Variants in DDX54 observed in about 807,000 individuals in gnomAD.
The protein encoded by DDX54 is ATP-dependent RNA helicase DDX54.
DDX54 carries 67 observed loss-of-function variants against 105.5 expected under a neutral mutation model. The ratio of observed to expected loss-of-function variants is 0.64; its 90% CI spans 0.52 to 0.78. The LOEUF (loss-of-function observed/expected upper bound fraction) is 0.78, where lower values mean the gene tolerates loss of function less well. Ranked by LOEUF, DDX54 falls within the 30% of genes least tolerant of loss-of-function variation. The probability of loss-of-function intolerance (pLI) is 0.00; values close to 1 mark genes in which losing one functional copy is unlikely to be tolerated. For synonymous variants in DDX54, 514 were observed against 509.9 expected (o/e 1.01, Z -0.11); for missense variants, 1,206 against 1,230.5 (o/e 0.98, Z 0.30).
intron 10 of DDX54, among the ~76,000 whole-genome samples, chr12:113,174,078 A>C (rs978856131): frequency 6.6e-5 from 10 of 151,850 alleles, no homozygotes; most frequent in African/African-American, 2.4e-4. Flanking sequence ...ACTCAGGAGG[A>C]TGAGGCAGGA....
intron 14 of DDX54, among the ~76,000 whole-genome samples, chr12:113,164,893 G>A (rs1411456960): frequency 6.6e-6 from 1 of 151,958 alleles, no homozygotes; most frequent in Non-Finnish European, 1.5e-5. Context: ...TGGGTGTGGT[G>A]GCATGCACCT....
In DDX54 at chr12:113,185,364, G is replaced by A; in HGVS notation, c.88C>T (p.Arg30Ter). 1.9e-6 allele frequency: 3 copies of A among 1,577,464 alleles called. No individual in the cohort carries two copies. The South Asian group carries it at 3.5e-5, about 18-fold the overall frequency. ...CCGCGGGCCTGGGAGGCCGCGCCTCGGCGCTTCCGGAGCCCTTTCTTCTTC... is the reference window on the plus strand; with the variant it reads ...CCGCGGGCCTGGGAGGCCGCGCCTCAGCGCTTCCGGAGCCCTTTCTTCTTC... Reference protein sequence around the residue: ...WRKKKGLRKRRGAASQARGSD... With the variant: ...WRKKKGLRKR The change falls in exon 1 of 20, where the codon CGA becomes TGA. Residue 30 changes from arginine to a stop codon, truncating the protein, a stop_gained. Transcript: ENST00000306014. LOFTEE classifies it high-confidence loss of function.
At chr12:113,171,512 G>A (rs1337386438) in intron 11 of DDX54, among the ~76,000 whole-genome samples, 1 of 151,620 alleles carries the variant, frequency 6.6e-6, no homozygotes, top group African/African-American at 2.4e-5. Flanking sequence ...GCTGATGCAA[G>A]AGAATAGCTA....
Position 113,172,335 on chromosome 12 carries a change from C to G in DDX54, c.1279+18G>C. 1.9e-6 allele frequency: 3 copies of G among 1,609,914 alleles called. No homozygotes were observed. On this transcript the variant is annotated intron_variant, in intron 11 of 19. Transcript: ENST00000306014. The stretch of plus-strand genomic sequence containing the variant: ...CCGGCACCCCTGCCTGCCCCAGGGC[C>G]AGCCACGGGCTGCTTACCCACGCGG...
In DDX54 at chr12:113,164,217, C is replaced by T; in HGVS notation, c.1788G>A (p.Lys596=). The T allele has an allele frequency of 6.3e-7, 1 of 1,587,524 alleles. No homozygotes were observed. Among genetic ancestry groups the T allele is most frequent in the Non-Finnish European group, 8.6e-7 (1 of 1,167,904 alleles). The change falls in exon 15 of 20, where the codon AAG becomes AAA. Residue 596 remains lysine (K), a synonymous_variant. Coordinates refer to ENST00000306014, the MANE Select transcript of DDX54 (RefSeq NM_024072.4). ...CSQVMRAKRQ[K]DRKAIARFQQ... ...GGAAGCGGGCGATGGCCTTGCGGTC[C>T]TTCTGCCGCTTGGCGCGCATCACCT...
chr12:113,173,098 G>A (rs1446768463), intron 10 of DDX54, among the ~76,000 whole-genome samples: 3 of 152,100 alleles, frequency 2.0e-5, no homozygotes, highest in African/African-American at 4.8e-5. Flanking sequence ...CCAGCATTTC[G>A]GGAAACCAAG....
intron 12 of DDX54, among the ~76,000 whole-genome samples, chr12:113,167,755 T>G (rs1952293302): frequency 6.6e-6 from 1 of 152,200 alleles, no homozygotes; most frequent in African/African-American, 2.4e-5. Flanking sequence ...GGTTTCTGCC[T>G]GGACATTGGG....
rs527444298 is a variant in DDX54 at position 113,159,511 on chromosome 12, A to G, written c.2414-402T>C. Among the ~76,000 whole-genome samples, 6 of 152,274 alleles carry G rather than the reference A, an allele frequency of 3.9e-5. No individual in the cohort carries two copies. The South Asian group carries it at 1.2e-3, about 32-fold the overall frequency. ...CTTTTGGGCATGACTGTTACTATTA[A>G]AAATTCTCCAACCAAGGAGTGTATG... On this transcript the variant is annotated intron_variant, in intron 19 of 19. Coordinates refer to ENST00000306014, the MANE Select transcript of DDX54 (RefSeq NM_024072.4).
Position 113,162,951 on chromosome 12 carries a change from C to T in DDX54, c.2176G>A (p.Gly726Ser), listed in dbSNP as rs1446146307. ...ACTCACCACTTGAGCTGCTGCCGGC[C>T]CCTCGTCAGGTTCTGGGCTTCATCC... Reference protein sequence around the residue: ...MGDEAQNLTRGRQQLKWDRKK... With the variant: ...MGDEAQNLTRSRQQLKWDRKK... Residue 726 changes from glycine to serine, a missense_variant, in exon 17 of 20, where the codon GGC becomes AGC. Physicochemically the swap from Gly to Ser is moderately conservative, Grantham distance 56. Around this residue, in one of 3 missense-constraint regions of DDX54, gnomAD observed 961 missense variants for 1,019.1 expected, o/e 0.94. Coordinates refer to ENST00000306014, the MANE Select transcript of DDX54 (RefSeq NM_024072.4). The T allele has an allele frequency of 3.7e-6, 6 of 1,604,042 alleles. No individual in the cohort carries two copies. The highest frequency in any genetic ancestry group is 4.2e-6 in the Non-Finnish European group (5 of 1,178,128).
chr12:113,179,711 G>A (rs556614699), intron 3 of DDX54, among the ~76,000 whole-genome samples: 28 of 152,332 alleles, frequency 1.8e-4, no homozygotes, highest in African/African-American at 6.7e-4. Context: ...AGGTTCAGCT[G>A]TGGGCAGCCT....
In DDX54 at chr12:113,174,757, G is replaced by A. The variant is rs140691313; in HGVS notation, c.951C>T (p.Leu317=). The A allele has an allele frequency of 5.4e-4, 873 of 1,611,856 alleles. 3 individuals carry two copies. In the East Asian group the frequency reaches 7.9e-3, roughly 15 times the overall value. The change falls in exon 10 of 20, where the codon CTC becomes CTT. Residue 317 remains leucine, a synonymous_variant. Transcript: ENST00000306014. ...LNEQLKTSFF[L]VREDTKAAVL... ...CGGCAGCCTTGGTGTCCTCCCGCAC[G>A]AGGAAGAAGGAGGTCTGTGGGGAGA...
At position 113,159,057 on chromosome 12, in the gene DDX54, T is replaced by C. The variant is rs1210909108; in HGVS notation, c.2466A>G (p.Glu822=). The change falls in exon 20 of 20, where the codon GAA becomes GAG. Residue 822 remains glutamate, a synonymous_variant. Transcript: ENST00000306014. ...PGTPAGRVRP[E]LKTKQQILKQ... is the part of the protein sequence containing the mutation. ...TCAGGATCTGCTGCTTGGTCTTGAG[T>C]TCCGGGCGGACTCGGCCTGCAGGGG... is the stretch of plus-strand genomic sequence containing the variant. The C allele has an allele frequency of 1.9e-6, 3 of 1,610,366 alleles. No individual in the cohort carries two copies. Among genetic ancestry groups the C allele is most frequent in the Admixed American group, 3.3e-5 (2 of 59,820 alleles).
chr12:113,163,167 G>T lies in DDX54; in HGVS notation c.2046C>A (p.Ile682=). ...TGTCAAAGTCCTTGGGCCGGTAGGGGATGTAGAATTCCTGGTCCCGCTGCC... is the reference window on the plus strand; with the variant it reads ...TGTCAAAGTCCTTGGGCCGGTAGGGTATGTAGAATTCCTGGTCCCGCTGCC... The part of the protein sequence containing the change: ...EARQRDQEFY[I]PYRPKDFDSE... The change falls in exon 16 of 20, where the codon ATC becomes ATA. Residue 682 remains isoleucine, a synonymous_variant. Transcript: ENST00000306014. The surrounding 1 kb of genome is among the most constrained non-coding windows in gnomAD (Gnocchi z 5.9). The T allele has an allele frequency of 6.2e-7, 1 of 1,613,158 alleles. No homozygotes were observed.
At position 113,157,896 on chromosome 12, in the gene DDX54, G is replaced by A; in HGVS notation, c.*981C>T. ...TGCAGGCCCTGATGAGGAGGTGATG[G>A]GAAGGTCAAGGGGCTATGTGTGGGG... On this transcript the variant is annotated 3_prime_UTR_variant, in exon 20 of 20. Coordinates refer to ENST00000306014, the MANE Select transcript of DDX54 (RefSeq NM_024072.4). 1.7e-6 allele frequency: 1 copy of A among 589,238 alleles called. No individual in the cohort carries two copies. Among genetic ancestry groups the A allele is most frequent in the East Asian group, 2.8e-5 (1 of 35,770 alleles). The allele number at this position is 589,238 out of a possible 1,614,324, so 36.5% of individuals were successfully genotyped here.
intron 10 of DDX54, among the ~76,000 whole-genome samples, chr12:113,173,709 A>G (rs532026285): frequency 6.6e-6 from 1 of 152,292 alleles, no homozygotes; most frequent in South Asian, 2.1e-4. Flanking sequence ...ACATACTAAA[A>G]ATCTACAGGA....
chr12:113,181,096 C>A, intron 1 of DDX54, 38 bp from the exon 2 acceptor site: 1 of 1,591,416 alleles, frequency 6.3e-7, no homozygotes, highest in Non-Finnish European at 8.5e-7. Context: ...TCACTCCAGG[C>A]ACAGTGGGAC....
rs777826808 is a variant in DDX54 at position 113,161,293 on chromosome 12, C to A, written c.2390G>T (p.Gly797Val). 5 of 1,613,412 alleles carry A rather than the reference C, an allele frequency of 3.1e-6. No individual in the cohort carries two copies. Among genetic ancestry groups the A allele is most frequent in the Non-Finnish European group, 4.2e-6 (5 of 1,179,674 alleles). ...ACCTTGGCCACGGTCTCGCTTCCCA[C>A]CTCTTCGCTCTGGGCCTCGCCGGTC... ...ASDRRGPERR[G>V]GKRDRGQGAS... Residue 797 changes from glycine (G) to valine (V), a missense_variant, in exon 19 of 20, where the codon GGT (glycine) becomes GTT (valine). By Grantham distance (109) the Gly-to-Val change is moderately radical (BLOSUM62 -3). Transcript: ENST00000306014.
rs1952206383 is a variant in DDX54 at position 113,161,529 on chromosome 12, G to GAA, written c.2301-148_2301-147insTT. 8.1e-6 allele frequency: 5 copies of GAA among 617,400 alleles called. No homozygotes were observed. In the South Asian group the frequency reaches 1.0e-4, roughly 13 times the overall value. 38.2% of individuals were successfully genotyped at this position (617,400 alleles called of 1,614,324 possible). The stretch of plus-strand genomic sequence containing the variant: ...CCCCAGCACACAGGTCCCACTTATT[G>GAA]GAGATGCTGTTGCTGAAGCTGCTCG... On this transcript the variant is annotated intron_variant, in intron 18 of 19. Coordinates refer to ENST00000306014, the MANE Select transcript of DDX54 (RefSeq NM_024072.4).
At position 113,185,414 on chromosome 12, in the gene DDX54, G is replaced by A. The variant is rs1952519252; in HGVS notation, c.38C>T (p.Ser13Leu). The change falls in exon 1 of 20, where the codon TCG becomes TTG. Residue 13 changes from serine (S) to leucine (L), a missense_variant. Coordinates refer to ENST00000306014, the MANE Select transcript of DDX54 (RefSeq NM_024072.4). The part of the protein sequence containing the change: ...ADKGPAAGPR[S>L]RAAMAQWRKK... ...CCTCCACTGGGCCATGGCAGCTCGCGACCGAGGTCCAGCCGCCGGGCCCTT... is the reference window on the plus strand; with the variant it reads ...CCTCCACTGGGCCATGGCAGCTCGCAACCGAGGTCCAGCCGCCGGGCCCTT... 6 of 1,532,578 alleles carry A rather than the reference G, an allele frequency of 3.9e-6. No individual in the cohort carries two copies. Among genetic ancestry groups the A allele is most frequent in the Non-Finnish European group, 5.3e-6 (6 of 1,142,458 alleles). The allele number at this position is 1,532,578 out of a possible 1,614,324, so 94.9% of individuals were successfully genotyped here.
Sources: allele counts gnomAD v4.1 joint callset (sites outside exome capture counted in the v4.1 genomes callset), GRCh38; gene constraint gnomAD v4.1.1; regional missense constraint gnomAD v4.1.1; non-coding constraint Gnocchi (gnomAD v3.1); transcripts MANE v1.5; gene names NCBI Gene and HGNC (gene_info 2026-07-23, HGNC 2026-07-21).